PRPF6: variants seen among roughly 807,000 people sequenced by gnomAD.
PRPF6 encodes pre-mRNA processing factor 6.
Under a neutral mutation model 118.3 loss-of-function variants are expected in PRPF6, and 42 were observed. That is an observed-to-expected ratio of 0.35 (90% CI 0.28 to 0.46). The LOEUF is 0.46. Among genes scored for constraint, PRPF6 ranks in the 20% least tolerant of loss-of-function variants. The pLI is 1.00. For missense variants in PRPF6, 662 were observed against 1,255.7 expected, an observed-to-expected ratio of 0.53 and a Z score of 7.15; for synonymous variants, 481 against 485.1, an observed-to-expected ratio of 0.99 and a Z score of 0.11.
chr20:63,998,608 G>A (rs1472854894), intron 6 of PRPF6, among the ~76,000 whole-genome samples: 2 of 149,748 alleles, frequency 1.3e-5, no homozygotes, highest in African/African-American at 2.4e-5. Context: ...TTGGGAGGCC[G>A]AGGCGGGCGG....
At chr20:63,992,760 G>GTC (rs2059124246) in intron 3 of PRPF6, among the ~76,000 whole-genome samples, 1 of 150,954 alleles carries the variant, frequency 6.6e-6, no homozygotes, top group Non-Finnish European at 1.5e-5. Context: ...TAGAGGCAGA[G>GTC]TCTCTCTGTG....
At chr20:63,999,848 T>A in intron 8 of PRPF6, 89 bp downstream of exon 8, 1 of 1,509,330 alleles carries the variant, frequency 6.6e-7, no homozygotes, top group Non-Finnish European at 9.0e-7. Flanking sequence ...TCTCTTTGTC[T>A]TTTGGTATTG....
At chr20:64,022,627 G>A in intron 12 of PRPF6, 130 bp from the exon 13 acceptor site, 2 of 1,426,922 alleles carry the variant, frequency 1.4e-6, no homozygotes, top group Non-Finnish European at 1.9e-6. Context: ...GTTCTAATTA[G>A]ATAAAACACT....
At chr20:64,017,557 G>A (rs1476087641) in intron 12 of PRPF6, among the ~76,000 whole-genome samples, 7 of 108,020 alleles carry the variant, frequency 6.5e-5, no homozygotes, top group South Asian at 3.0e-4. Context: ...GGCCTCCCAC[G>A]GTGCTGGGAT....
chr20:64,028,644 G>C lies in PRPF6; in HGVS notation c.2431+75G>C. On this transcript the variant is annotated intron_variant, in intron 18 of 20. Coordinates refer to ENST00000266079, the MANE Select transcript of PRPF6 (RefSeq NM_012469.4). This position sits in a 1 kb window ranked among gnomAD's most constrained non-coding sequence, Gnocchi z 6.5. ...GGGGTGCCTTGACTCCGGTAAGGGG[G>C]TGCTTCCTGGCTTCCCAGACTCCGC... 6.5e-7 allele frequency: 1 copy of C among 1,530,966 alleles called. No homozygotes were observed. Among genetic ancestry groups the C allele is most frequent in the Non-Finnish European group, 8.9e-7 (1 of 1,121,910 alleles). The allele number at this position is 1,530,966 out of a possible 1,614,324, so 94.8% of individuals were successfully genotyped here.
intron 4 of PRPF6, among the ~76,000 whole-genome samples, chr20:63,993,703 T>C (rs781054206): frequency 9.2e-5 from 14 of 152,144 alleles, no homozygotes; most frequent in Non-Finnish European, 1.5e-4. Flanking sequence ...AATGAACTTA[T>C]TTTCTTTGTA....
chr20:64,023,339 T>C (rs1394591460), intron 13 of PRPF6, among the ~76,000 whole-genome samples: 1 of 152,254 alleles, frequency 6.6e-6, no homozygotes, highest in Non-Finnish European at 1.5e-5. Flanking sequence ...CTGCACTCTT[T>C]AATTGAAAAC....
chr20:63,995,176 G>C, intron 5 of PRPF6, 84 bp downstream of exon 5: 1 of 1,599,164 alleles, frequency 6.3e-7, no homozygotes, highest in Admixed American at 1.7e-5. Flanking sequence ...TGGATTCAAT[G>C]CTTCTGCAGG....
At position 64,028,648 on chromosome 20, in the gene PRPF6, T is replaced by A; in HGVS notation, c.2431+79T>A. On this transcript the variant is annotated intron_variant, in intron 18 of 20. Coordinates refer to ENST00000266079, the MANE Select transcript of PRPF6 (RefSeq NM_012469.4). The surrounding 1 kb of genome is among the most constrained non-coding windows in gnomAD (Gnocchi z 6.5). Reference sequence around the variant, plus strand: ...TGCCTTGACTCCGGTAAGGGGGTGCTTCCTGGCTTCCCAGACTCCGCAGGG... The same window carrying A: ...TGCCTTGACTCCGGTAAGGGGGTGCATCCTGGCTTCCCAGACTCCGCAGGG... The A allele has an allele frequency of 6.6e-7, 1 of 1,505,428 alleles. No homozygotes were observed. Among genetic ancestry groups the A allele is most frequent in the East Asian group, 2.3e-5 (1 of 43,146 alleles). 93.3% of individuals were successfully genotyped at this position (1,505,428 alleles called of 1,614,324 possible).
intron 11 of PRPF6, among the ~76,000 whole-genome samples, chr20:64,013,195 C>T (rs1318694310): frequency 3.3e-5 from 5 of 152,106 alleles, no homozygotes; most frequent in Admixed American, 2.6e-4. Flanking sequence ...GAACTCCTGA[C>T]CTCAAGCAAC....
intron 13 of PRPF6, 98 bp downstream of exon 13, chr20:64,022,976 C>T: frequency 1.3e-6 from 2 of 1,582,056 alleles, no homozygotes; most frequent in Non-Finnish European, 1.7e-6. Flanking sequence ...CTCATCCAGT[C>T]TTGTGCCCAT....
intron 8 of PRPF6, among the ~76,000 whole-genome samples, chr20:64,000,488 G>A (rs1415149953): frequency 2.7e-5 from 4 of 148,382 alleles, no homozygotes; most frequent in Non-Finnish European, 5.9e-5. Context: ...AAAAAAGAAC[G>A]ACCCGAGCAG....
At chr20:64,007,821 A>G (rs2059197589) in intron 9 of PRPF6, among the ~76,000 whole-genome samples, 1 of 152,028 alleles carries the variant, frequency 6.6e-6, no homozygotes, top group South Asian at 2.1e-4. Context: ...TCTGTCACCC[A>G]GGCTAGAGTG....
At chr20:63,989,649 G>A (rs566741850) in intron 3 of PRPF6, among the ~76,000 whole-genome samples, 35 of 152,098 alleles carry the variant, frequency 2.3e-4, no homozygotes, top group Non-Finnish European at 3.5e-4. Flanking sequence ...CCAAGTAGCT[G>A]GGATTACAGG....
At chr20:64,002,718 A>G (rs1601519077) in intron 9 of PRPF6, among the ~76,000 whole-genome samples, 1 of 145,602 alleles carries the variant, frequency 6.9e-6, no homozygotes, top group Non-Finnish European at 1.5e-5. Flanking sequence ...ATCTTGGCTC[A>G]CTGCAACCTC....
intron 12 of PRPF6, among the ~76,000 whole-genome samples, chr20:64,017,736 T>A (rs968981384): frequency 6.6e-6 from 1 of 152,284 alleles, no homozygotes. Context: ...CTTATTTTTT[T>A]TTCTGGAACT....
chr20:64,032,110 C>T, intron 20 of PRPF6, 66 bp downstream of exon 20: 2 of 1,609,522 alleles, frequency 1.2e-6, no homozygotes, highest in Admixed American at 1.7e-5. Context: ...TCCGCCAGCC[C>T]TGGGGGCTCT....
chr20:64,016,840 G>C lies in PRPF6; in HGVS notation c.1642G>C (p.Asp548His). Reference protein sequence around the residue: ...DRKHTWMEDADSCVAHNALEC... With the variant: ...DRKHTWMEDAHSCVAHNALEC... Reference sequence around the variant, plus strand: ...GAAGCATACCTGGATGGAGGATGCTGACAGTGTGAGTTGGCAACAGGGGCC... The same window carrying C: ...GAAGCATACCTGGATGGAGGATGCTCACAGTGTGAGTTGGCAACAGGGGCC... Residue 548 changes from aspartate to histidine, a missense_variant, in exon 12 of 21, where the codon GAC becomes CAC. Physicochemically the swap from Asp to His is moderately conservative, Grantham distance 81. This residue lies in a region of PRPF6 where 189 missense variants were observed against 323.5 expected (regional missense o/e 0.58). Coordinates refer to ENST00000266079, the MANE Select transcript of PRPF6 (RefSeq NM_012469.4). The C allele has an allele frequency of 6.2e-7, 1 of 1,614,166 alleles. No individual in the cohort carries two copies. Among genetic ancestry groups the C allele is most frequent in the Non-Finnish European group, 8.5e-7 (1 of 1,180,008 alleles).
At position 64,008,798 on chromosome 20, in the gene PRPF6, T is replaced by G. The variant is rs2059201720; in HGVS notation, c.1187-1402T>G. Reference sequence around the variant, plus strand: ...AGCATTCTCCAAAGGTGACTAATGGTCTCTTGGAGCTTTGTTATGAACTAT... The same window carrying G: ...AGCATTCTCCAAAGGTGACTAATGGGCTCTTGGAGCTTTGTTATGAACTAT... On this transcript the variant is annotated intron_variant, in intron 9 of 20. Transcript: ENST00000266079. Among the ~76,000 whole-genome samples, 3 of 152,330 alleles carry G rather than the reference T, an allele frequency of 2.0e-5. No homozygotes were observed. In the South Asian group the frequency reaches 6.2e-4, roughly 32 times the overall value.
Sources: gnomAD v4.1 joint callset for allele counts (sites outside exome capture counted in the v4.1 genomes callset) on GRCh38, gnomAD v4.1.1 for gene constraint, gnomAD v4.1.1 regional missense constraint, Gnocchi (gnomAD v3.1) non-coding constraint, MANE v1.5 for transcripts, NCBI Gene and HGNC (gene_info 2026-07-23, HGNC 2026-07-21) for gene names.